WWOX: variants seen among roughly 807,000 people sequenced by gnomAD.
The protein encoded by WWOX is WW domain-containing oxidoreductase.
In WWOX, 69 loss-of-function variants were observed where a neutral mutation model predicts 46.2. The ratio of observed to expected loss-of-function variants is 1.49; its 90% CI spans 1.23 to 1.82. WWOX has a LOEUF of 1.82. WWOX is among the 40% of genes most tolerant of loss of function. The pLI is 0.00. For synonymous variants in WWOX, 359 were observed against 202.6 expected (o/e 1.77, Z -6.56); for missense variants, 919 against 542.6 (o/e 1.69, Z -6.89).
intron 8 of WWOX, among the ~76,000 whole-genome samples, chr16:78,442,458 CT>C (rs1206920506): frequency 2.0e-4 from 30 of 152,276 alleles, no homozygotes; most frequent in African/African-American, 7.2e-4. Context: ...CACTTCCCCA[CT>C]ACCAGCCCCT....
chr16:78,420,967 A>T (rs113476334), intron 6 of WWOX, among the ~76,000 whole-genome samples: 1,543 of 152,244 alleles, frequency 0.01, 23 homozygotes, highest in African/African-American at 0.034. Context: ...TTAAATTGAG[A>T]AAGTTTGGGA....
chr16:78,497,181 A>G (rs963624078), intron 8 of WWOX, among the ~76,000 whole-genome samples: 2 of 152,214 alleles, frequency 1.3e-5, no homozygotes, highest in Non-Finnish European at 2.9e-5. Context: ...GAAAGACTCA[A>G]TAGCATATGC....
intron 8 of WWOX, among the ~76,000 whole-genome samples, chr16:79,080,905 C>G (rs936707882): frequency 6.6e-6 from 1 of 152,164 alleles, no homozygotes; most frequent in African/African-American, 2.4e-5. Flanking sequence ...ATCACCCAGT[C>G]TCTTAAATTA....
intron 8 of WWOX, among the ~76,000 whole-genome samples, chr16:78,973,726 C>T (rs941604130): frequency 7.2e-5 from 11 of 152,074 alleles, no homozygotes; most frequent in Non-Finnish European, 1.3e-4. Context: ...GTAATTTGTT[C>T]CCAGAGAAAA....
At chr16:78,721,231 C>T (rs1013446323) in intron 8 of WWOX, among the ~76,000 whole-genome samples, 3 of 130,306 alleles carry the variant, frequency 2.3e-5, no homozygotes, top group Middle Eastern at 3.5e-3. Flanking sequence ...ATTGATATGC[C>T]CCATGTCTAA....
intron 8 of WWOX, among the ~76,000 whole-genome samples, chr16:78,834,580 A>G (rs76963323): frequency 0.035 from 5,360 of 152,282 alleles, 130 homozygotes; most frequent in South Asian, 0.072. Context: ...TAGAATCCCC[A>G]TTGCCGATGA....
chr16:79,156,725 G>C (rs546527319), intron 8 of WWOX, among the ~76,000 whole-genome samples: 4 of 151,952 alleles, frequency 2.6e-5, no homozygotes, highest in African/African-American at 9.7e-5. Flanking sequence ...TTTAAGAGGG[G>C]GGTGGGGGCC....
chr16:78,690,841 C>T (rs139978020), intron 8 of WWOX, among the ~76,000 whole-genome samples: 4 of 152,196 alleles, frequency 2.6e-5, no homozygotes, highest in East Asian at 1.9e-4. Flanking sequence ...CTCCAGCAGC[C>T]TACCCAGGAT....
At chr16:78,371,607 T>C (rs1010055805) in intron 5 of WWOX, among the ~76,000 whole-genome samples, 1 of 152,214 alleles carries the variant, frequency 6.6e-6, no homozygotes, top group African/African-American at 2.4e-5. Context: ...GGCTGTGTTA[T>C]TTGGCACATG....
intron 4 of WWOX, among the ~76,000 whole-genome samples, chr16:78,149,722 T>C (rs765575953): frequency 3.9e-5 from 6 of 152,160 alleles, no homozygotes; most frequent in African/African-American, 1.2e-4. Flanking sequence ...TCTCGTAATA[T>C]CCACAGAGAA....
chr16:78,779,886 C>T (rs1216751815), intron 8 of WWOX, among the ~76,000 whole-genome samples: 1 of 152,154 alleles, frequency 6.6e-6, no homozygotes, highest in Non-Finnish European at 1.5e-5. Flanking sequence ...TCTGCCACCT[C>T]TACTCTTCCT....
At chr16:79,207,092 G>GGAAA (rs2051538895) in intron 8 of WWOX, among the ~76,000 whole-genome samples, 1 of 152,130 alleles carries the variant, frequency 6.6e-6, no homozygotes, top group African/African-American at 2.4e-5. Flanking sequence ...TGGGAGACAG[G>GGAAA]GAAAGACAGG....
At chr16:79,200,918 C>A (rs2051336476) in intron 8 of WWOX, among the ~76,000 whole-genome samples, 1 of 152,120 alleles carries the variant, frequency 6.6e-6, no homozygotes, top group African/African-American at 2.4e-5. Flanking sequence ...ATGCTTCCTT[C>A]TTTAAACTTG....
intron 8 of WWOX, among the ~76,000 whole-genome samples, chr16:78,828,484 A>C (rs1482318596): frequency 2.0e-5 from 3 of 152,062 alleles, no homozygotes; most frequent in Non-Finnish European, 4.4e-5. Context: ...CTACCATCTA[A>C]AGTCCAGCAC....
At chr16:79,120,994 C>G (rs1344310474) in intron 8 of WWOX, among the ~76,000 whole-genome samples, 1 of 152,292 alleles carries the variant, frequency 6.6e-6, no homozygotes, top group South Asian at 2.1e-4. Flanking sequence ...GTTTCGAACT[C>G]GTGACCTCAG....
intron 5 of WWOX, among the ~76,000 whole-genome samples, chr16:78,379,487 A>G (rs956742234): frequency 6.6e-6 from 1 of 152,006 alleles, no homozygotes; most frequent in Non-Finnish European, 1.5e-5. Flanking sequence ...CCTTTATTTC[A>G]CCCACATAGT....
At chr16:78,765,115 G>A (rs1157328340) in intron 8 of WWOX, among the ~76,000 whole-genome samples, 1 of 152,228 alleles carries the variant, frequency 6.6e-6, no homozygotes, top group African/African-American at 2.4e-5. Context: ...GTGCGGGGAT[G>A]TGGTAGGGTG....
chr16:79,185,710 G>A (rs1223052921), intron 8 of WWOX, among the ~76,000 whole-genome samples: 3 of 152,152 alleles, frequency 2.0e-5, no homozygotes, highest in African/African-American at 7.2e-5. Flanking sequence ...CTTCTGTGTT[G>A]TCTTGAGAGC....
chr16:78,561,603 A>C (rs2044437800), intron 8 of WWOX, among the ~76,000 whole-genome samples: 1 of 152,210 alleles, frequency 6.6e-6, no homozygotes, highest in African/African-American at 2.4e-5. Flanking sequence ...AATAACAGAA[A>C]AAAAAAAGAG....
Sources: allele counts gnomAD v4.1 joint callset (sites outside exome capture counted in the v4.1 genomes callset), GRCh38; gene constraint gnomAD v4.1.1; transcripts MANE v1.5; gene names NCBI Gene and HGNC (gene_info 2026-07-23, HGNC 2026-07-21).